Variants in ALK observed in about 807,000 individuals in gnomAD.
ALK encodes the protein ALK tyrosine kinase receptor.
In ALK, 74 loss-of-function variants were observed where a neutral mutation model predicts 163.1. The ratio of observed to expected loss-of-function variants is 0.45; its 90% CI spans 0.38 to 0.55. ALK has a LOEUF of 0.55. ALK is among the 20% of genes least tolerant of loss of function. The pLI, the probability that ALK is intolerant of heterozygous loss-of-function variation, is 0.00. For missense variants in ALK, 2,063 were observed against 2,105.3 expected (o/e 0.98, Z 0.39); for synonymous variants, 960 against 843.2 (o/e 1.14, Z -2.40).
intron 3 of ALK, among the ~76,000 whole-genome samples, chr2:29,609,266 T>C (rs1256103096): frequency 3.3e-5 from 5 of 151,642 alleles, no homozygotes; most frequent in African/African-American, 1.2e-4. Context: ...GGGTGAATAG[T>C]TGTTTTTTTG....
In ALK at chr2:29,385,874, C is replaced by A. The variant is rs1052083046; in HGVS notation, c.1155-2015G>T. Among the ~76,000 whole-genome samples, 27 of 152,142 alleles carry A rather than the reference C, an allele frequency of 1.8e-4. 1 individual carries two copies. The highest frequency in any genetic ancestry group is 2.5e-4 in the Non-Finnish European group (17 of 68,002). ...GATTTTTTCTTGATCATGATTATGCCAAAGCTAACTCTGTGTACTTATCTA... is the reference window on the plus strand; with the variant it reads ...GATTTTTTCTTGATCATGATTATGCAAAAGCTAACTCTGTGTACTTATCTA... On this transcript the variant is annotated intron_variant, in intron 4 of 28. Transcript: ENST00000389048.
At chr2:29,398,995 C>T (rs778583138) in intron 4 of ALK, among the ~76,000 whole-genome samples, 1 of 152,044 alleles carries the variant, frequency 6.6e-6, no homozygotes, top group Admixed American at 6.5e-5. Context: ...TGAAAATGGT[C>T]GAGACTGTGG....
At chr2:29,706,397 A>G (rs1678913086) in intron 2 of ALK, among the ~76,000 whole-genome samples, 1 of 152,132 alleles carries the variant, frequency 6.6e-6, no homozygotes, top group Admixed American at 6.5e-5. Flanking sequence ...TTGCTTCATA[A>G]CACTAAGTAT....
At chr2:29,761,622 C>G (rs958382453) in intron 1 of ALK, among the ~76,000 whole-genome samples, 2 of 152,238 alleles carry the variant, frequency 1.3e-5, no homozygotes, top group African/African-American at 4.8e-5. Flanking sequence ...AGCTGCTCTC[C>G]TCTTCTGCTG....
At chr2:29,585,068 T>C (rs1674840851) in intron 3 of ALK, among the ~76,000 whole-genome samples, 1 of 152,200 alleles carries the variant, frequency 6.6e-6, no homozygotes. Context: ...AAGGACATTC[T>C]AAGGTTCATA....
At chr2:29,425,216 T>C (rs948697041) in intron 4 of ALK, among the ~76,000 whole-genome samples, 1 of 152,212 alleles carries the variant, frequency 6.6e-6, no homozygotes, top group Non-Finnish European at 1.5e-5. Context: ...TGAGAATTTG[T>C]AACATTGGGA....
At chr2:29,569,141 C>A (rs1288804117) in intron 3 of ALK, among the ~76,000 whole-genome samples, 1 of 152,154 alleles carries the variant, frequency 6.6e-6, no homozygotes, top group East Asian at 1.9e-4. Flanking sequence ...TAACTTGAAC[C>A]TGCCTATGGC....
At chr2:29,650,201 A>T (rs1340107917) in intron 3 of ALK, among the ~76,000 whole-genome samples, 2 of 152,156 alleles carry the variant, frequency 1.3e-5, no homozygotes, top group African/African-American at 4.8e-5. Context: ...TGAACTGAAC[A>T]TATGGATAGG....
chr2:29,812,061 C>G (rs1238398692), intron 1 of ALK, among the ~76,000 whole-genome samples: 1 of 152,152 alleles, frequency 6.6e-6, no homozygotes, highest in African/African-American at 2.4e-5. Flanking sequence ...TTGTGCCTAT[C>G]AAGTGTTACC....
chr2:29,468,731 G>C (rs999484527), intron 4 of ALK, among the ~76,000 whole-genome samples: 2 of 148,744 alleles, frequency 1.3e-5, no homozygotes, highest in African/African-American at 4.9e-5. Context: ...GCATGTGCCT[G>C]TGGTCCCAGC....
Position 29,888,263 on chromosome 2 carries a change from A to T in ALK, c.667+31730T>A, listed in dbSNP as rs140982132. On this transcript the variant is annotated intron_variant, in intron 1 of 28. Coordinates refer to ENST00000389048, the MANE Select transcript of ALK (RefSeq NM_004304.5). ...AATAAATTGTTTTTTTTTTTTTTTAAAAAAAGGGAAACTATGTATTAAGCT... is the reference window on the plus strand; with the variant it reads ...AATAAATTGTTTTTTTTTTTTTTTATAAAAAGGGAAACTATGTATTAAGCT... 2.0e-3 allele frequency among the ~76,000 whole-genome samples: 71 copies of T among 36,236 alleles called. 1 individual carries two copies. The highest frequency in any genetic ancestry group is 6.3e-3 in the South Asian group (10 of 1,598). The allele number at this position is 36,236 out of a possible 152,430, so 23.8% of individuals were successfully genotyped here. A position where few individuals can be genotyped will look rare whatever the true frequency, so the allele number is the denominator to read the frequency against.
intron 1 of ALK, among the ~76,000 whole-genome samples, chr2:29,720,116 G>A (rs1008791182): frequency 1.3e-5 from 2 of 151,996 alleles, no homozygotes; most frequent in Non-Finnish European, 2.9e-5. Context: ...AGCAGATGGG[G>A]CTAGACTTCA....
intron 8 of ALK, among the ~76,000 whole-genome samples, chr2:29,298,940 T>A (rs541650160): frequency 6.6e-6 from 1 of 152,334 alleles, no homozygotes; most frequent in Non-Finnish European, 1.5e-5. Context: ...TGTCTACAAA[T>A]AAGATCAAGG....
chr2:29,920,981 A>C lies in ALK; in HGVS notation c.-322T>G, dbSNP rs1175207607. The C allele has an allele frequency of 2.4e-6, 1 of 413,798 alleles. No homozygotes were observed. Among genetic ancestry groups the C allele is most frequent in the Non-Finnish European group, 4.4e-6 (1 of 228,946 alleles). 25.6% of individuals were successfully genotyped at this position (413,798 alleles called of 1,614,324 possible). On this transcript the variant is annotated 5_prime_UTR_variant, in exon 1 of 29. Coordinates refer to ENST00000389048, the MANE Select transcript of ALK (RefSeq NM_004304.5). ...GTCTGTAGCTCGCTGCGCTCGGTAC[A>C]GAGGAACTACTATGGTTGAAGGGAG...
chr2:29,716,657 T>C (rs1389104740), intron 2 of ALK, among the ~76,000 whole-genome samples: 1 of 152,202 alleles, frequency 6.6e-6, no homozygotes, highest in Admixed American at 6.5e-5. Flanking sequence ...AGCCACTCTG[T>C]GTGATCTTAT....
At chr2:29,828,336 G>C (rs1278262834) in intron 1 of ALK, among the ~76,000 whole-genome samples, 1 of 152,146 alleles carries the variant, frequency 6.6e-6, no homozygotes, top group African/African-American at 2.4e-5. Flanking sequence ...TTAAACTAAA[G>C]AGCTTCTGCA....
chr2:29,597,799 T>G (rs1238890561), intron 3 of ALK, among the ~76,000 whole-genome samples: 2 of 152,302 alleles, frequency 1.3e-5, no homozygotes, highest in South Asian at 2.1e-4. Flanking sequence ...AGACACAGAA[T>G]GGCCCCAGGG....
chr2:29,749,956 C>T (rs1680309440), intron 1 of ALK, among the ~76,000 whole-genome samples: 2 of 152,188 alleles, frequency 1.3e-5, no homozygotes, highest in African/African-American at 2.4e-5. Context: ...AGGTTCATGT[C>T]ATTATCTCAA....
At chr2:29,850,462 A>G (rs1665961075) in intron 1 of ALK, among the ~76,000 whole-genome samples, 1 of 152,236 alleles carries the variant, frequency 6.6e-6, no homozygotes, top group African/African-American at 2.4e-5. Flanking sequence ...TTATACTTCT[A>G]TAAAAAGGTT....
Sources: gnomAD v4.1 joint callset for allele counts (sites outside exome capture counted in the v4.1 genomes callset) on GRCh38, gnomAD v4.1.1 for gene constraint, MANE v1.5 for transcripts, NCBI Gene and HGNC (gene_info 2026-07-23, HGNC 2026-07-21) for gene names.